PDE10A: variants seen among roughly 807,000 people sequenced by gnomAD.
PDE10A encodes the protein phosphodiesterase 10A.
In PDE10A, 39 loss-of-function variants were observed where a neutral mutation model predicts 97.7. The observed-to-expected ratio is 0.40, with a 90% CI of 0.31 to 0.52. The LOEUF (loss-of-function observed/expected upper bound fraction) is 0.52. Ranked by LOEUF, PDE10A falls within the 20% of genes least tolerant of loss-of-function variation. PDE10A has a pLI of 0.56. For missense variants in PDE10A, 731 were observed against 1,047.8 expected, an observed-to-expected ratio of 0.70 and a Z score of 4.17; for synonymous variants, 371 against 376.8, an observed-to-expected ratio of 0.98 and a Z score of 0.18.
At chr6:165,742,090 C>T (rs535607635) in intron 1 of PDE10A, among the ~76,000 whole-genome samples, 3 of 152,288 alleles carry the variant, frequency 2.0e-5, no homozygotes, top group South Asian at 2.1e-4. Flanking sequence ...TATGCATCAT[C>T]TCATTTAATT....
chr6:165,586,382 G>A (rs902364287), intron 1 of PDE10A, among the ~76,000 whole-genome samples: 1 of 152,156 alleles, frequency 6.6e-6, no homozygotes, highest in Non-Finnish European at 1.5e-5. Context: ...TTCTTATTCA[G>A]ACACCAATAG....
intron 3 of PDE10A, among the ~76,000 whole-genome samples, chr6:165,460,666 C>CTATATATATATAAAATA (rs1778269636): frequency 6.6e-6 from 1 of 152,110 alleles, no homozygotes; most frequent in Non-Finnish European, 1.5e-5. Context: ...ATAAAAGTAG[C>CTATATATATATAAAATA]TATATTTTGC....
At chr6:165,843,891 G>A (rs780549246) in intron 1 of PDE10A, among the ~76,000 whole-genome samples, 1 of 152,188 alleles carries the variant, frequency 6.6e-6, no homozygotes, top group Non-Finnish European at 1.5e-5. Context: ...GGGTGGCACT[G>A]AGCTAACCTG....
At chr6:165,703,222 C>T (rs1287787147) in intron 1 of PDE10A, among the ~76,000 whole-genome samples, 1 of 152,164 alleles carries the variant, frequency 6.6e-6, no homozygotes, top group Admixed American at 6.5e-5. Context: ...TTTGCAGTCA[C>T]CTGTGCTACA....
intron 1 of PDE10A, among the ~76,000 whole-genome samples, chr6:165,604,591 G>A (rs1787121472): frequency 1.3e-5 from 2 of 151,630 alleles, no homozygotes; most frequent in South Asian, 4.2e-4. Context: ...TGTCCTGGAT[G>A]ACATTACTTG....
intron 18 of PDE10A, among the ~76,000 whole-genome samples, chr6:165,369,799 A>T (rs1364023031): frequency 6.7e-6 from 1 of 149,816 alleles, no homozygotes; most frequent in African/African-American, 2.5e-5. Flanking sequence ...AGTTGAAATG[A>T]AGGAAAAAAT....
intron 1 of PDE10A, among the ~76,000 whole-genome samples, chr6:165,708,326 C>A (rs1452314473): frequency 6.6e-6 from 1 of 152,132 alleles, no homozygotes; most frequent in African/African-American, 2.4e-5. Context: ...CCATCCCTCT[C>A]AGCCTCACTG....
intron 6 of PDE10A, among the ~76,000 whole-genome samples, chr6:165,433,732 G>A (rs1380353948): frequency 6.6e-6 from 1 of 151,966 alleles, no homozygotes; most frequent in African/African-American, 2.4e-5. Context: ...AGAAGTACAG[G>A]GGGCCGGGCG....
At chr6:165,651,517 C>G (rs1256263578) in intron 1 of PDE10A, among the ~76,000 whole-genome samples, 4 of 152,150 alleles carry the variant, frequency 2.6e-5, no homozygotes, top group Admixed American at 2.6e-4. Flanking sequence ...TGCTATGGGA[C>G]ATGGAGAAAG....
chr6:165,982,636 C>T (rs1291949810), intron 1 of PDE10A, among the ~76,000 whole-genome samples: 1 of 151,920 alleles, frequency 6.6e-6, no homozygotes, highest in Non-Finnish European at 1.5e-5. Context: ...GTGATTAAAC[C>T]AAACTCTTTA....
chr6:165,558,158 T>C (rs561665518), intron 1 of PDE10A, among the ~76,000 whole-genome samples: 2 of 152,306 alleles, frequency 1.3e-5, no homozygotes, highest in East Asian at 3.9e-4. Flanking sequence ...TGCACATGTA[T>C]GTATACTGCG....
chr6:165,985,587 A>G (rs1785167433), intron 1 of PDE10A, among the ~76,000 whole-genome samples: 1 of 152,144 alleles, frequency 6.6e-6, no homozygotes, highest in Non-Finnish European at 1.5e-5. Context: ...CGCAGCCCTA[A>G]GCATCCCTGG....
intron 1 of PDE10A, among the ~76,000 whole-genome samples, chr6:165,905,597 C>T (rs375119991): frequency 1.2e-4 from 18 of 151,992 alleles, no homozygotes; most frequent in Admixed American, 3.9e-4. Context: ...TATTTTAAAT[C>T]GCCATTTACA....
At chr6:165,338,132 A>G (rs1413031525) in intron 20 of PDE10A, among the ~76,000 whole-genome samples, 3 of 152,352 alleles carry the variant, frequency 2.0e-5, no homozygotes, top group Admixed American at 6.5e-5. Flanking sequence ...ATTTCTAATC[A>G]AGAGGGAAAA....
At chr6:165,651,535 G>C (rs1789686758) in intron 1 of PDE10A, among the ~76,000 whole-genome samples, 1 of 152,208 alleles carries the variant, frequency 6.6e-6, no homozygotes. Context: ...AAGATAGGTG[G>C]AGAGGTAGGA....
At chr6:165,675,529 C>G (rs970443349) in intron 1 of PDE10A, among the ~76,000 whole-genome samples, 1 of 152,102 alleles carries the variant, frequency 6.6e-6, no homozygotes, top group East Asian at 1.9e-4. Flanking sequence ...TTAAAATAGA[C>G]GTACAAATAC....
At chr6:165,853,625 G>C (rs1780633168) in intron 1 of PDE10A, among the ~76,000 whole-genome samples, 1 of 152,136 alleles carries the variant, frequency 6.6e-6, no homozygotes, top group Admixed American at 6.5e-5. Context: ...GTGAATTAGT[G>C]ATTGTAAAGA....
intron 1 of PDE10A, among the ~76,000 whole-genome samples, chr6:165,568,302 A>G (rs929757517): frequency 1.3e-5 from 2 of 152,004 alleles, no homozygotes; most frequent in Admixed American, 6.6e-5. Context: ...TCCGGCCAGC[A>G]TTTTTTTAAA....
At position 165,663,132 on chromosome 6, in the gene PDE10A, C is replaced by A. The variant is rs1019446792; in HGVS notation, c.-321G>T. Among the ~76,000 whole-genome samples, 11 of 151,774 alleles carry A rather than the reference C, an allele frequency of 7.2e-5. No individual in the cohort carries two copies. The highest frequency in any genetic ancestry group is 2.7e-4 in the African/African-American group (11 of 41,372). Reference sequence around the variant, plus strand: ...CCCTGCAGGCGTGGCGTGGTGTGTGCGCGCTCCGGCGGCTGAGCCTCGGCG... The same window carrying A: ...CCCTGCAGGCGTGGCGTGGTGTGTGAGCGCTCCGGCGGCTGAGCCTCGGCG... On this transcript the variant is annotated 5_prime_UTR_variant, in exon 1 of 22. Transcript: ENST00000539869.
Sources: gnomAD v4.1 joint callset for allele counts (sites outside exome capture counted in the v4.1 genomes callset) on GRCh38, gnomAD v4.1.1 for gene constraint, MANE v1.5 for transcripts, NCBI Gene and HGNC (gene_info 2026-07-23, HGNC 2026-07-21) for gene names.